Variants in TMPRSS15 observed in about 807,000 individuals in gnomAD.
TMPRSS15 encodes the protein transmembrane serine protease 15.
TMPRSS15 carries 128 observed loss-of-function variants against 125.3 expected under a neutral mutation model. That is an observed-to-expected ratio of 1.02 (90% confidence interval 0.89 to 1.18). The LOEUF is 1.18. Ranked by LOEUF, TMPRSS15 falls within the 50% of genes most tolerant of loss-of-function variation. The pLI, the probability that TMPRSS15 is intolerant of heterozygous loss-of-function variation, is 0.00. For synonymous variants in TMPRSS15, 446 were observed against 423.2 expected (o/e 1.05, Z -0.66); for missense variants, 1,283 against 1,212.7 (o/e 1.06, Z -0.86).
rs190980415 is a variant in TMPRSS15, at chr21:18,380,033, A to G, written c.497-715T>C. Among the ~76,000 whole-genome samples, 129 of 152,162 alleles carry G rather than the reference A, an allele frequency of 8.5e-4. 1 individual carries two copies. The highest frequency in any genetic ancestry group is 4.0e-3 in the Admixed American group (61 of 15,248). ...AAAATGCTGGAATAGAGTAGTTAAC[A>G]TAAAGTCTGAATTCTCCTTTCCAAA... is the stretch of plus-strand genomic sequence containing the variant. On this transcript the variant is annotated intron_variant, in intron 4 of 24. Coordinates refer to ENST00000284885, the MANE Select transcript of TMPRSS15 (RefSeq NM_002772.3).
At chr21:18,274,571 C>T (rs2074597994) in intron 24 of TMPRSS15, among the ~76,000 whole-genome samples, 1 of 152,148 alleles carries the variant, frequency 6.6e-6, no homozygotes, top group Non-Finnish European at 1.5e-5. Flanking sequence ...GACATTAGCA[C>T]TACAGCAAGT....
upstream of TMPRSS15, among the ~76,000 whole-genome samples, chr21:18,408,357 G>C (rs145034385): frequency 1.2e-3 from 186 of 152,186 alleles, 1 homozygote; most frequent in African/African-American, 4.1e-3. Context: ...TTGTGTGGCT[G>C]GGTTGTAATC....
chr21:18,420,383 G>C (rs1038161177), intron 1 of TMPRSS15, among the ~76,000 whole-genome samples: 1 of 152,138 alleles, frequency 6.6e-6, no homozygotes. Flanking sequence ...TGGTTGAATA[G>C]AACACAAAGT....
chr21:18,389,365 T>C (rs1023021437), intron 3 of TMPRSS15, among the ~76,000 whole-genome samples: 1 of 152,136 alleles, frequency 6.6e-6, no homozygotes, highest in African/African-American at 2.4e-5. Flanking sequence ...TCTGATTTAA[T>C]AGTAGCACAG....
intron 1 of TMPRSS15, among the ~76,000 whole-genome samples, chr21:18,425,787 A>G (rs2076201445): frequency 6.6e-6 from 1 of 152,130 alleles, no homozygotes; most frequent in Non-Finnish European, 1.5e-5. Flanking sequence ...ATATCTCTAC[A>G]CATTTTTCAT....
chr21:18,396,808 G>GTCTGTCTATCTATCTATCTATCTATCTA (rs1461927983), intron 3 of TMPRSS15, among the ~76,000 whole-genome samples: 1 of 107,868 alleles, frequency 9.3e-6, no homozygotes, highest in Non-Finnish European at 1.8e-5. Context: ...CTGTCTGTCT[G>GTCTGTCTATCTATCTATCTATCTATCTA]TCTATCTATC....
At chr21:18,351,828 T>C (rs989735815) in intron 10 of TMPRSS15, among the ~76,000 whole-genome samples, 10 of 152,210 alleles carry the variant, frequency 6.6e-5, no homozygotes, top group African/African-American at 2.2e-4. Context: ...GTAAATATAA[T>C]GCTATATAAT....
intron 17 of TMPRSS15, among the ~76,000 whole-genome samples, chr21:18,313,656 T>C (rs1357822588): frequency 6.6e-6 from 1 of 151,926 alleles, no homozygotes; most frequent in Non-Finnish European, 1.5e-5. Flanking sequence ...GTAGTTTTTC[T>C]TAAGAGCATG....
At chr21:18,282,061 G>T (rs894124883) in intron 21 of TMPRSS15, among the ~76,000 whole-genome samples, 1 of 122,290 alleles carries the variant, frequency 8.2e-6, no homozygotes, top group Non-Finnish European at 1.6e-5. Flanking sequence ...TTGCGCCACT[G>T]CACTCCAGCC....
intron 1 of TMPRSS15, among the ~76,000 whole-genome samples, chr21:18,467,084 A>G (rs997236685): frequency 6.6e-6 from 1 of 152,196 alleles, no homozygotes; most frequent in African/African-American, 2.4e-5. Context: ...CAGCCATAAA[A>G]AAGGATGCGT....
intron 1 of TMPRSS15, among the ~76,000 whole-genome samples, chr21:18,427,693 C>T (rs1202934435): frequency 1.3e-5 from 2 of 152,150 alleles, no homozygotes; most frequent in Non-Finnish European, 2.9e-5. Flanking sequence ...TCAAATCATT[C>T]TTCTAACCAG....
At chr21:18,276,521 A>T (rs2074622461) in intron 23 of TMPRSS15, among the ~76,000 whole-genome samples, 1 of 152,184 alleles carries the variant, frequency 6.6e-6, no homozygotes, top group Non-Finnish European at 1.5e-5. Flanking sequence ...GGCTTGGCAG[A>T]CTTTAATTTT....
intron 14 of TMPRSS15, among the ~76,000 whole-genome samples, chr21:18,331,031 C>G (rs1467857072): frequency 1.4e-5 from 2 of 145,254 alleles, no homozygotes; most frequent in Non-Finnish European, 3.0e-5. Flanking sequence ...CGAGATCGCA[C>G]CACTGCACTC....
intron 1 of TMPRSS15, among the ~76,000 whole-genome samples, chr21:18,466,456 C>A (rs1568735163): frequency 6.6e-6 from 1 of 150,982 alleles, no homozygotes; most frequent in Non-Finnish European, 1.5e-5. Context: ...AAAAAAAAAA[C>A]TACCGTCAGA....
At chr21:18,396,808 G>GTCTATCTA (rs3082172) in intron 3 of TMPRSS15, among the ~76,000 whole-genome samples, 5,830 of 107,540 alleles carry the variant, frequency 0.054, 395 homozygotes, top group East Asian at 0.14. Flanking sequence ...CTGTCTGTCT[G>GTCTATCTA]TCTATCTATC....
chr21:18,407,726 C>T (rs2076156157), upstream of TMPRSS15, among the ~76,000 whole-genome samples: 1 of 152,008 alleles, frequency 6.6e-6, no homozygotes, highest in African/African-American at 2.4e-5. Flanking sequence ...ACAAAAATGT[C>T]CCCATTAGCC....
At chr21:18,429,576 G>C (rs2076211930) in intron 1 of TMPRSS15, among the ~76,000 whole-genome samples, 1 of 152,070 alleles carries the variant, frequency 6.6e-6, no homozygotes, top group Non-Finnish European at 1.5e-5. Flanking sequence ...TTTTATCAGG[G>C]GTTTCCACTT....
At chr21:18,376,668 A>G (rs2075847062) in intron 5 of TMPRSS15, among the ~76,000 whole-genome samples, 1 of 152,090 alleles carries the variant, frequency 6.6e-6, no homozygotes, top group African/African-American at 2.4e-5. Context: ...TAGTGTAGAA[A>G]TCCCTCAAAC....
intron 1 of TMPRSS15, among the ~76,000 whole-genome samples, chr21:18,420,401 A>G (rs2076189817): frequency 6.6e-6 from 1 of 151,552 alleles, no homozygotes; most frequent in Admixed American, 6.6e-5. Flanking sequence ...AGTCTATTGA[A>G]TTTTCTATTT....
Sources: gnomAD v4.1 joint callset for allele counts (sites outside exome capture counted in the v4.1 genomes callset) on GRCh38, gnomAD v4.1.1 for gene constraint, MANE v1.5 for transcripts, NCBI Gene and HGNC (gene_info 2026-07-23, HGNC 2026-07-21) for gene names.